PRKD3: variants seen among roughly 807,000 people sequenced by gnomAD.
The protein encoded by PRKD3 is protein kinase D3, also known as serine/threonine-protein kinase D3.
Under a neutral mutation model 99.2 loss-of-function variants are expected in PRKD3, and 47 were observed. That is an observed-to-expected ratio of 0.47 (90% CI 0.38 to 0.60). The LOEUF is 0.60. Ranked by LOEUF, PRKD3 falls within the 20% of genes least tolerant of loss-of-function variation. The pLI, the probability that PRKD3 is intolerant of heterozygous loss-of-function variation, is 0.00. For missense variants in PRKD3, 1,019 were observed against 1,088.4 expected (o/e 0.94, Z 0.90); for synonymous variants, 392 against 355.4 (o/e 1.10, Z -1.16).
At chr2:37,314,937 T>A (rs1671593822) in intron 2 of PRKD3, among the ~76,000 whole-genome samples, 1 of 152,216 alleles carries the variant, frequency 6.6e-6, no homozygotes, top group African/African-American at 2.4e-5. Flanking sequence ...AGGCCACATG[T>A]ACAAGTCATT....
At chr2:37,285,705 A>T (rs1670058385) in intron 6 of PRKD3, among the ~76,000 whole-genome samples, 1 of 152,188 alleles carries the variant, frequency 6.6e-6, no homozygotes, top group Admixed American at 6.5e-5. Context: ...GGAAGTGATA[A>T]GCATACAGGT....
intron 2 of PRKD3, among the ~76,000 whole-genome samples, chr2:37,306,689 G>A (rs2124881835): frequency 6.6e-6 from 1 of 152,180 alleles, no homozygotes; most frequent in South Asian, 2.1e-4. Flanking sequence ...GGAGTCTGTG[G>A]TCCAGCTACT....
intron 12 of PRKD3, among the ~76,000 whole-genome samples, chr2:37,272,103 C>A (rs867563935): frequency 6.6e-6 from 1 of 152,182 alleles, no homozygotes; most frequent in African/African-American, 2.4e-5. Context: ...CCCCTGCTGA[C>A]CCCACAAGAA....
intron 11 of PRKD3, 36 bp downstream of exon 11, chr2:37,274,385 A>G (rs746533839): frequency 3.3e-5 from 53 of 1,607,680 alleles, no homozygotes; most frequent in Non-Finnish European, 4.3e-5. Context: ...TAAGAATTAA[A>G]GAGGAGAAAA....
intron 11 of PRKD3, among the ~76,000 whole-genome samples, chr2:37,273,909 T>G (rs1466365406): frequency 6.6e-6 from 1 of 152,254 alleles, no homozygotes; most frequent in Non-Finnish European, 1.5e-5. Context: ...CAGTGATTTT[T>G]AAATATTTCT....
intron 7 of PRKD3, chr2:37,282,318 T>C: frequency 1.9e-6 from 1 of 522,604 alleles, no homozygotes; most frequent in Non-Finnish European, 3.4e-6. Context: ...CCACTGGCTA[T>C]ATTAGACTAC....
Position 37,289,414 on chromosome 2 carries a change from G to T in PRKD3, c.659C>A (p.Pro220His). The T allele has an allele frequency of 6.2e-7, 1 of 1,614,042 alleles. No individual in the cohort carries two copies. The highest frequency in any genetic ancestry group is 1.3e-5 in the African/African-American group (1 of 74,990). The change falls in exon 5 of 19, where the codon CCC (proline) becomes CAC (histidine). Residue 220 changes from proline to histidine, a missense_variant. This residue lies in a region of PRKD3 where 710 missense variants were observed against 692.7 expected (regional missense o/e 1.02). Coordinates refer to ENST00000234179, the MANE Select transcript of PRKD3 (RefSeq NM_005813.6). ...RRLSNVSLPG[P>H]GLSVPRPLQP... is the part of the protein sequence containing the mutation. ...TAGGGGTCTTGGAACTGAGAGGCCGGGTCCTGGTAAAGATACATTTGACAG... is the reference window on the plus strand; with the variant it reads ...TAGGGGTCTTGGAACTGAGAGGCCGTGTCCTGGTAAAGATACATTTGACAG...
At chr2:37,299,717 T>C (rs998601349) in intron 2 of PRKD3, among the ~76,000 whole-genome samples, 3 of 151,848 alleles carry the variant, frequency 2.0e-5, no homozygotes, top group South Asian at 2.1e-4. Context: ...AATTAAAAAA[T>C]AAGCAAAAGA....
chr2:37,314,247 C>G (rs1360746332), intron 2 of PRKD3, among the ~76,000 whole-genome samples: 1 of 152,136 alleles, frequency 6.6e-6, no homozygotes, highest in East Asian at 1.9e-4. Context: ...GGGGAGAGTT[C>G]CTCTTGAGGA....
chr2:37,317,114 C>T lies in PRKD3; in HGVS notation c.-590G>A. 7.1e-6 allele frequency: 7 copies of T among 985,320 alleles called. No homozygotes were observed. The highest frequency in any genetic ancestry group is 8.4e-6 in the Non-Finnish European group (7 of 829,944). 61.0% of individuals were successfully genotyped at this position (985,320 alleles called of 1,614,324 possible). A position where few individuals can be genotyped will look rare whatever the true frequency, so the allele number is the denominator to read the frequency against. ...AAATACAAAGCTTTTTAAAATAGTA[C>T]AGGCATATTTCATTAGATGAATGGG... On this transcript the variant is annotated 5_prime_UTR_variant, in exon 2 of 19. Transcript: ENST00000234179.
chr2:37,270,059 C>G (rs1170634169), intron 12 of PRKD3, among the ~76,000 whole-genome samples: 1 of 152,048 alleles, frequency 6.6e-6, no homozygotes, highest in Non-Finnish European at 1.5e-5. Context: ...GAAACCCCAT[C>G]TCTACTAAAA....
At position 37,253,231 on chromosome 2, in the gene PRKD3, G is replaced by A. The variant is rs529096887; in HGVS notation, c.2619C>T (p.Tyr873=). ...EIHAYTHNLV[Y]PKHFIMAPNP... ...TAGGAGCCATAATGAAGTGCTTTGGGTATACAAGGTTATGTGTGTATGCAT... is the reference window on the plus strand; with the variant it reads ...TAGGAGCCATAATGAAGTGCTTTGGATATACAAGGTTATGTGTGTATGCAT... Residue 873 remains tyrosine, a synonymous_variant, in exon 19 of 19, where the codon TAC becomes TAT. Coordinates refer to ENST00000234179, the MANE Select transcript of PRKD3 (RefSeq NM_005813.6). 6.2e-7 allele frequency: 1 copy of A among 1,612,370 alleles called. No individual in the cohort carries two copies. The highest frequency in any genetic ancestry group is 1.7e-5 in the Admixed American group (1 of 59,924).
At chr2:37,300,348 T>C (rs373271956) in intron 2 of PRKD3, among the ~76,000 whole-genome samples, 25 of 151,348 alleles carry the variant, frequency 1.7e-4, no homozygotes, top group African/African-American at 6.1e-4. Flanking sequence ...AGATAGAGAG[T>C]AGAATGATGA....
intron 2 of PRKD3, among the ~76,000 whole-genome samples, chr2:37,311,728 G>GA (rs1025010475): frequency 9.9e-5 from 15 of 152,130 alleles, no homozygotes; most frequent in African/African-American, 3.6e-4. Context: ...TTCAATATTT[G>GA]AAAAAATGTA....
intron 16 of PRKD3, among the ~76,000 whole-genome samples, chr2:37,259,369 GTTAAATC>G (rs1292487245): frequency 1.3e-5 from 2 of 152,228 alleles, no homozygotes. Flanking sequence ...TCTATGTGCA[GTTAAATC>G]TTAAAAAATC....
At chr2:37,315,508 AAG>A (rs1312303275) in intron 2 of PRKD3, among the ~76,000 whole-genome samples, 2 of 152,158 alleles carry the variant, frequency 1.3e-5, no homozygotes, top group African/African-American at 2.4e-5. Context: ...GGATAAAAAA[AAG>A]AGGGGCCAGA....
At chr2:37,262,139 C>G (rs1668511886) in intron 14 of PRKD3, among the ~76,000 whole-genome samples, 1 of 152,258 alleles carries the variant, frequency 6.6e-6, no homozygotes. Flanking sequence ...GAGGAGCATC[C>G]TGTACATTTT....
chr2:37,321,978 T>A (rs1355036561), intron 1 of PRKD3, among the ~76,000 whole-genome samples: 1 of 152,246 alleles, frequency 6.6e-6, no homozygotes, highest in African/African-American at 2.4e-5. Flanking sequence ...AAAATGCTTT[T>A]CCTATTGGAA....
Position 37,316,795 on chromosome 2 carries a change from T to C in PRKD3, c.-271A>G. 2.3e-6 allele frequency: 3 copies of C among 1,291,414 alleles called. No homozygotes were observed. The highest frequency in any genetic ancestry group is 2.9e-6 in the Non-Finnish European group (3 of 1,018,444). 80.0% of individuals were successfully genotyped at this position (1,291,414 alleles called of 1,614,324 possible). A position where few individuals can be genotyped will look rare whatever the true frequency, so the allele number is the denominator to read the frequency against. On this transcript the variant is annotated 5_prime_UTR_variant, in exon 2 of 19. It removes an upstream start codon present in the reference 5' UTR. Coordinates refer to ENST00000234179, the MANE Select transcript of PRKD3 (RefSeq NM_005813.6). ...CCAGGGATTTGTAAAGGATTTAACA[T>C]CACTGAGCTATCCTCAGCAGGATAG... is the stretch of plus-strand genomic sequence containing the variant.
Sources: gnomAD v4.1 joint callset for allele counts (sites outside exome capture counted in the v4.1 genomes callset) on GRCh38, gnomAD v4.1.1 for gene constraint, gnomAD v4.1.1 regional missense constraint, MANE v1.5 for transcripts, NCBI Gene and HGNC (gene_info 2026-07-23, HGNC 2026-07-21) for gene names.